The following LOC400499 variants were observed in gnomAD, a reference collection of about 807,000 sequenced individuals.
the LOC400499 span, chr16:11,393,382 G>A: frequency 1.6e-6 from 2 of 1,232,212 alleles, no homozygotes; most frequent in Non-Finnish European, 2.0e-6. Flanking sequence ...GGACCCAGCT[G>A]CCACTCACCC....
chr16:11,449,117 G>A, the LOC400499 span: 1 of 1,441,802 alleles, frequency 6.9e-7, no homozygotes, highest in Non-Finnish European at 9.3e-7. Context: ...CCTGCAATGA[G>A]GTGAGGAGGG....
chr16:11,443,283 A>C, the LOC400499 span: 1 of 339,018 alleles, frequency 2.9e-6, no homozygotes, highest in African/African-American at 2.5e-5. Context: ...GACATTGCGC[A>C]GCTGCACCCT....
the LOC400499 span, chr16:11,448,209 G>A: frequency 2.4e-5 from 28 of 1,148,750 alleles, 1 homozygote; most frequent in African/African-American, 4.2e-4. Context: ...AATGGCTACT[G>A]AACTGAGCCA....
At chr16:11,508,938 C>A in the LOC400499 span, 2 of 397,474 alleles carry the variant, frequency 5.0e-6, no homozygotes, top group Non-Finnish European at 8.9e-6. Context: ...TCGCCCCCAC[C>A]CCCTCCAGTG....
the LOC400499 span, among the ~76,000 whole-genome samples, chr16:11,467,794 C>T: frequency 6.6e-6 from 1 of 152,192 alleles, no homozygotes; most frequent in Non-Finnish European, 1.5e-5. Flanking sequence ...ATGGGTTGTA[C>T]TGTGTCTCCC....
the LOC400499 span, among the ~76,000 whole-genome samples, chr16:11,375,811 C>T: frequency 6.6e-6 from 1 of 150,840 alleles, no homozygotes; most frequent in African/African-American, 2.4e-5. Flanking sequence ...CTCACCGCAA[C>T]CTCTGCCTCC....
At chr16:11,504,131 C>G in the LOC400499 span, among the ~76,000 whole-genome samples, 1 of 152,142 alleles carries the variant, frequency 6.6e-6, no homozygotes, top group African/African-American at 2.4e-5. Context: ...GATCCAGGCA[C>G]GACAGGAGGG....
At chr16:11,431,999 A>G in the LOC400499 span, among the ~76,000 whole-genome samples, 3 of 152,232 alleles carry the variant, frequency 2.0e-5, no homozygotes, top group African/African-American at 7.2e-5. Context: ...CCACCTGGTA[A>G]GAAGTCTGAC....
the LOC400499 span, among the ~76,000 whole-genome samples, chr16:11,451,689 G>A: frequency 6.6e-6 from 1 of 152,240 alleles, no homozygotes; most frequent in South Asian, 2.1e-4. Context: ...CTAGGAGGAA[G>A]TGACAATTTA....
the LOC400499 span, among the ~76,000 whole-genome samples, chr16:11,498,064 A>AG: frequency 6.6e-6 from 1 of 152,216 alleles, no homozygotes; most frequent in Non-Finnish European, 1.5e-5. Flanking sequence ...TGAAAAGCTA[A>AG]GAAAACAGAA....
the LOC400499 span, among the ~76,000 whole-genome samples, chr16:11,403,236 C>A: frequency 6.6e-6 from 1 of 152,288 alleles, no homozygotes; most frequent in East Asian, 1.9e-4. Flanking sequence ...GGAGCCGTGC[C>A]CAGAGACACT....
the LOC400499 span, chr16:11,491,742 G>A: frequency 4.2e-4 from 168 of 399,060 alleles, 2 homozygotes; most frequent in Middle Eastern, 5.7e-3. Context: ...CCGCACCTGG[G>A]CAAACACCTC....
the LOC400499 span, among the ~76,000 whole-genome samples, chr16:11,459,669 AT>A: frequency 6.6e-6 from 1 of 152,168 alleles, no homozygotes; most frequent in Non-Finnish European, 1.5e-5. Context: ...GTGGAAATCT[AT>A]GTTTCCCAAG....
chr16:11,379,990 C>T, the LOC400499 span, among the ~76,000 whole-genome samples: 1 of 152,150 alleles, frequency 6.6e-6, no homozygotes, highest in Non-Finnish European at 1.5e-5. Flanking sequence ...CAGGGTCTCA[C>T]TCTGTCACCC....
At chr16:11,413,872 G>A in the LOC400499 span, among the ~76,000 whole-genome samples, 1 of 152,168 alleles carries the variant, frequency 6.6e-6, no homozygotes, top group African/African-American at 2.4e-5. Context: ...GCACAGACAG[G>A]TGAAGGAATT....
the LOC400499 span, among the ~76,000 whole-genome samples, chr16:11,439,893 A>C: frequency 6.6e-6 from 1 of 151,958 alleles, no homozygotes; most frequent in African/African-American, 2.4e-5. Context: ...TGAACCAGGC[A>C]CTGTGCTACC....
At chr16:11,497,257 G>C in the LOC400499 span, among the ~76,000 whole-genome samples, 2 of 152,224 alleles carry the variant, frequency 1.3e-5, no homozygotes, top group Admixed American at 6.5e-5. Context: ...TGTGGGTCTT[G>C]GCGTGTGCAT....
chr16:11,519,342 G>A, the LOC400499 span, among the ~76,000 whole-genome samples: 1 of 152,186 alleles, frequency 6.6e-6, no homozygotes, highest in Non-Finnish European at 1.5e-5. Flanking sequence ...TCACCATGGG[G>A]TGTGTGTGGT....
the LOC400499 span, chr16:11,380,941 C>A: frequency 6.3e-6 from 1 of 159,786 alleles, no homozygotes. Context: ...GGCTGCCTCC[C>A]AAGGGTCTGG....
Sources: gnomAD v4.1 joint callset for allele counts (sites outside exome capture counted in the v4.1 genomes callset) on GRCh38, gnomAD v4.1.1 for gene constraint, MANE v1.5 for transcripts.